The following CGGBP1 variants were observed in gnomAD, a reference collection of about 807,000 sequenced individuals.
CGGBP1 encodes the protein CGG triplet repeat binding protein 1, also known as CGG triplet repeat-binding protein 1.
CGGBP1 carries 4 observed loss-of-function variants against 11.4 expected under a neutral mutation model. That is an observed-to-expected ratio of 0.35 (90% CI 0.17 to 0.80). The LOEUF (loss-of-function observed/expected upper bound fraction) is 0.80, where lower values mean the gene tolerates loss of function less well. Among genes scored for constraint, CGGBP1 ranks in the 30% least tolerant of loss-of-function variants. The pLI, the probability that CGGBP1 is intolerant of heterozygous loss-of-function variation, is 0.52. For synonymous variants in CGGBP1, 76 were observed against 74.1 expected (o/e 1.03, Z -0.13); for missense variants, 135 against 202.1 (o/e 0.67, Z 2.01).
At chr3:88,125,742 C>T (rs1706061732) in intron 2 of CGGBP1, among the ~76,000 whole-genome samples, 1 of 152,176 alleles carries the variant, frequency 6.6e-6, no homozygotes, top group Admixed American at 6.5e-5. Flanking sequence ...GCCCCCTGCC[C>T]TACCACGCTC....
At chr3:88,059,454 C>T (rs1706709264), upstream of CGGBP1, 4 of 1,521,882 alleles carry the variant, frequency 2.6e-6, no homozygotes, top group African/African-American at 1.4e-5. Flanking sequence ...GCGGCAACTG[C>T]GGCGGCGGCG....
At chr3:88,057,449 T>C (rs770176419) in intron 2 of CGGBP1, 157 bp from the exon 3 acceptor site, 3 of 152,174 alleles carry the variant, frequency 2.0e-5, no homozygotes, top group Non-Finnish European at 4.4e-5. Context: ...GTACTTACCA[T>C]TACACGTTTA....
intron 2 of CGGBP1, chr3:88,113,088 TG>T: frequency 4.2e-6 from 6 of 1,438,074 alleles, no homozygotes; most frequent in Non-Finnish European, 5.6e-6. Context: ...AAAGAAGCAA[TG>T]AAAGTTATTC....
intron 1 of CGGBP1, chr3:88,149,637 C>T: frequency 6.4e-6 from 1 of 155,856 alleles, no homozygotes; most frequent in Admixed American, 6.4e-5. Flanking sequence ...GGGGAGGAGC[C>T]GCCTCCATTG....
intron 2 of CGGBP1, among the ~76,000 whole-genome samples, chr3:88,118,681 G>T (rs1407196004): frequency 6.6e-6 from 1 of 152,108 alleles, no homozygotes; most frequent in Non-Finnish European, 1.5e-5. Flanking sequence ...CTAGCTAAAA[G>T]GCTTTAAAAG....
chr3:88,116,577 C>CACAT (rs767725952), intron 2 of CGGBP1, among the ~76,000 whole-genome samples: 4 of 148,106 alleles, frequency 2.7e-5, no homozygotes, highest in African/African-American at 9.9e-5. Flanking sequence ...CACACACACA[C>CACAT]ATGCACATAT....
upstream of CGGBP1, among the ~76,000 whole-genome samples, chr3:88,063,114 T>C (rs1231823228): frequency 2.0e-5 from 3 of 152,180 alleles, no homozygotes; most frequent in Non-Finnish European, 4.4e-5. Context: ...CAGGAGATAG[T>C]TTTGATTGTC....
intron 2 of CGGBP1, among the ~76,000 whole-genome samples, chr3:88,114,705 G>T (rs1420810076): frequency 2.6e-5 from 4 of 152,076 alleles, no homozygotes; most frequent in Non-Finnish European, 5.9e-5. Context: ...TTGCTGTCAT[G>T]TTATCTTTAC....
At chr3:88,068,686 A>G (rs775890496) in intron 2 of CGGBP1, among the ~76,000 whole-genome samples, 12 of 152,190 alleles carry the variant, frequency 7.9e-5, no homozygotes, top group Non-Finnish European at 1.3e-4. Flanking sequence ...AATGCTTTCC[A>G]TGAATCAGGG....
At chr3:88,144,703 T>A (rs191622778) in intron 1 of CGGBP1, 2 of 152,546 alleles carry the variant, frequency 1.3e-5, no homozygotes, top group African/African-American at 2.4e-5. Context: ...TCAAAAGGAA[T>A]TAGACATATA....
upstream of CGGBP1, chr3:88,059,634 GA>G (rs1706729437): frequency 2.2e-6 from 3 of 1,347,882 alleles, no homozygotes; most frequent in South Asian, 3.3e-5. Context: ...GGGTGAGGCT[GA>G]AGCTCCCTCC....
intron 2 of CGGBP1, among the ~76,000 whole-genome samples, chr3:88,110,535 T>G (rs950875011): frequency 1.3e-5 from 2 of 152,146 alleles, no homozygotes; most frequent in Admixed American, 6.6e-5. Flanking sequence ...TCATTTCTCA[T>G]GTACTATACA....
At position 88,055,536 on chromosome 3, in the gene CGGBP1, C is replaced by A. The variant is rs1278612321; in HGVS notation, c.441G>T (p.Arg147=). ...CATATCCATCAGGAAGATATGCCCT[C>A]CGTAGCTGGTCTGACTTAGGTATGG... The part of the protein sequence containing the change: ...GGSIPKSDQL[R]RAYLPDGYEN... Residue 147 remains arginine (R), a synonymous_variant, in exon 4 of 4, where the codon CGG becomes CGT. Coordinates refer to ENST00000482016, the MANE Select transcript of CGGBP1 (RefSeq NM_001008390.2). The surrounding 1 kb of genome is among the most constrained non-coding windows in gnomAD (Gnocchi z 4.2). 1 of 1,579,122 alleles carries A rather than the reference C, an allele frequency of 6.3e-7. No homozygotes were observed. The highest frequency in any genetic ancestry group is 8.6e-7 in the Non-Finnish European group (1 of 1,158,872).
upstream of CGGBP1, among the ~76,000 whole-genome samples, chr3:88,060,568 C>T (rs149629397): frequency 9.4e-3 from 1,439 of 152,276 alleles, 24 homozygotes; most frequent in African/African-American, 0.032. Context: ...TCTGGCTCCA[C>T]CATCTCCTGG....
chr3:88,133,539 A>G (rs566812638), intron 2 of CGGBP1, among the ~76,000 whole-genome samples: 1 of 152,150 alleles, frequency 6.6e-6, no homozygotes, highest in Non-Finnish European at 1.5e-5. Context: ...GATACTTGAT[A>G]GGGCCTTTGA....
intron 2 of CGGBP1, among the ~76,000 whole-genome samples, chr3:88,067,886 CTTT>C (rs76481798): frequency 7.2e-6 from 1 of 139,618 alleles, no homozygotes; most frequent in East Asian, 2.1e-4. Flanking sequence ...TCTTTTCTTT[CTTT>C]TTTTTTTTTT....
At chr3:88,123,284 CA>C (rs1705892114) in intron 2 of CGGBP1, among the ~76,000 whole-genome samples, 2 of 152,050 alleles carry the variant, frequency 1.3e-5, no homozygotes, top group South Asian at 4.1e-4. Context: ...AGCTGTTTTC[CA>C]TAAGAGTGGT....
chr3:88,077,157 A>C (rs1254199339), intron 2 of CGGBP1, among the ~76,000 whole-genome samples: 1 of 152,176 alleles, frequency 6.6e-6, no homozygotes, highest in Non-Finnish European at 1.5e-5. Flanking sequence ...GAATTTGGGA[A>C]GAAGATAAAA....
chr3:88,129,941 AATTG>A lies in CGGBP1; in HGVS notation c.-229+11025_-229+11028del, dbSNP rs1260984460. 8 of 988,260 alleles carry A rather than the reference AATTG, an allele frequency of 8.1e-6. No homozygotes were observed. The Admixed American group carries it at 9.9e-5, about 12-fold the overall frequency. The allele number at this position is 988,260 out of a possible 1,614,324, so 61.2% of individuals were successfully genotyped here. On this transcript the variant is annotated intron_variant, in intron 2 of 3. Coordinates refer to the CGGBP1 transcript ENST00000462901. ...AAATGTCAAGCTACTTTTAAAAAAA[AATTG>A]ATTGTGCAAGGAACAATAGTAGATT... is the stretch of plus-strand genomic sequence containing the variant.
Sources: gnomAD v4.1 joint callset for allele counts (sites outside exome capture counted in the v4.1 genomes callset) on GRCh38, gnomAD v4.1.1 for gene constraint, Gnocchi (gnomAD v3.1) non-coding constraint, MANE v1.5 for transcripts, NCBI Gene and HGNC (gene_info 2026-07-23, HGNC 2026-07-21) for gene names.